Variants in RAB30 observed in about 807,000 individuals in gnomAD.
The protein encoded by RAB30 is ras-related protein Rab-30.
In RAB30, 9 loss-of-function variants were observed where a neutral mutation model predicts 25.1. That is an observed-to-expected ratio of 0.36 (90% CI 0.22 to 0.63). The LOEUF (loss-of-function observed/expected upper bound fraction) is 0.63. Among genes scored for constraint, RAB30 ranks in the 20% least tolerant of loss-of-function variants. The probability of loss-of-function intolerance (pLI) is 0.69; values close to 1 mark genes in which losing one functional copy is unlikely to be tolerated. For synonymous variants in RAB30, 77 were observed against 86.4 expected (o/e 0.89, Z 0.60); for missense variants, 140 against 243.5 (o/e 0.58, Z 2.83).
At chr11:82,992,193 C>T (rs1163159052) in intron 3 of RAB30, 1 of 391,638 alleles carries the variant, frequency 2.6e-6, no homozygotes, top group Non-Finnish European at 5.2e-6. Flanking sequence ...AAGGCTCCTC[C>T]CATCAATGCC....
At position 82,980,824 on chromosome 11, in the gene RAB30, GGGAGGGAA is replaced by G. The variant is rs1856624494; in HGVS notation, c.*1333_*1340del. Reference sequence around the variant, plus strand: ...TGCAGTAACACAGGCATATAAGGATGGGAGGGAAGGAGGGAGGGAGGGAGGGAAGAAGA... The same window carrying G: ...TGCAGTAACACAGGCATATAAGGATGGGAGGGAGGGAGGGAGGGAAGAAGA... On this transcript the variant is annotated 3_prime_UTR_variant, in exon 5 of 5. Transcript: ENST00000527633. 6.6e-6 allele frequency: 1 copy of G among 151,720 alleles called. No homozygotes were observed. Among genetic ancestry groups the G allele is most frequent in the Non-Finnish European group, 1.5e-5 (1 of 67,958 alleles). The allele number at this position is 151,720 out of a possible 1,614,324, so 9.4% of individuals were successfully genotyped here.
At chr11:83,016,810 C>A (rs922897081) in intron 1 of RAB30, among the ~76,000 whole-genome samples, 1 of 152,298 alleles carries the variant, frequency 6.6e-6, no homozygotes, top group East Asian at 1.9e-4. Context: ...CAAACACACA[C>A]CCCCTTCTCA....
chr11:83,035,423 G>C (rs1857966653), intron 1 of RAB30: 2 of 152,272 alleles, frequency 1.3e-5, no homozygotes, highest in South Asian at 4.1e-4. Context: ...ATGCACCATG[G>C]ACTCAGTTGT....
At chr11:83,053,589 A>C (rs754355324) in intron 1 of RAB30, among the ~76,000 whole-genome samples, 5 of 151,404 alleles carry the variant, frequency 3.3e-5, no homozygotes, top group Non-Finnish European at 7.4e-5. Context: ...TGAGTCTCTT[A>C]CTAATCTGCT....
rs148181325 is a variant in RAB30, at chr11:82,988,506, C to A, written c.178-736G>T. On this transcript the variant is annotated intron_variant, in intron 3 of 4. Transcript: ENST00000527633. ...GGTCTCTTAAGTTCTATGACCTTGG[C>A]CAAGTCACTTAATCTCTTTGGGCTT... Among the ~76,000 whole-genome samples, 6 of 152,298 alleles carry A rather than the reference C, an allele frequency of 3.9e-5. No homozygotes were observed. In the South Asian group the frequency reaches 1.2e-3, roughly 32 times the overall value.
At chr11:83,054,706 A>G (rs1209211270) in intron 1 of RAB30, among the ~76,000 whole-genome samples, 1 of 151,706 alleles carries the variant, frequency 6.6e-6, no homozygotes, top group African/African-American at 2.4e-5. Flanking sequence ...ACGAAAAAAA[A>G]AAATACAAAA....
At chr11:83,056,393 T>G (rs558710222) in intron 1 of RAB30, among the ~76,000 whole-genome samples, 1 of 152,350 alleles carries the variant, frequency 6.6e-6, no homozygotes, top group African/African-American at 2.4e-5. Context: ...TTCCACTGTA[T>G]GTAAATACCA....
At chr11:83,012,907 T>A (rs1857334624) in intron 1 of RAB30, among the ~76,000 whole-genome samples, 1 of 152,148 alleles carries the variant, frequency 6.6e-6, no homozygotes, top group African/African-American at 2.4e-5. Flanking sequence ...CTAGACAGGT[T>A]CATCCCTTCA....
chr11:82,992,332 G>T (rs1856867211), intron 3 of RAB30: 1 of 456,148 alleles, frequency 2.2e-6, no homozygotes, highest in East Asian at 7.0e-5. Context: ...TTATCTTCCA[G>T]TGCTCCAGCT....
chr11:82,986,211 TA>T (rs1335487844), intron 4 of RAB30, among the ~76,000 whole-genome samples: 1 of 152,204 alleles, frequency 6.6e-6, no homozygotes, highest in African/African-American at 2.4e-5. Flanking sequence ...TGCTTCAAAA[TA>T]ATCTGAGGGA....
intron 1 of RAB30, among the ~76,000 whole-genome samples, chr11:83,032,229 A>T (rs2121513931): frequency 6.6e-6 from 1 of 152,342 alleles, no homozygotes; most frequent in Admixed American, 6.5e-5. Flanking sequence ...CTATATTATG[A>T]CCCAGAGTTT....
intron 1 of RAB30, among the ~76,000 whole-genome samples, chr11:83,068,924 C>A (rs1858768046): frequency 6.6e-6 from 1 of 152,170 alleles, no homozygotes; most frequent in Non-Finnish European, 1.5e-5. Context: ...TTAAGTATAT[C>A]CCCTATTAGA....
chr11:83,012,892 G>C (rs903528962), intron 1 of RAB30, among the ~76,000 whole-genome samples: 2 of 151,958 alleles, frequency 1.3e-5, no homozygotes, highest in African/African-American at 4.8e-5. Flanking sequence ...CCAGAGCATG[G>C]GCCCCTAGAC....
intron 1 of RAB30, among the ~76,000 whole-genome samples, chr11:83,006,258 T>A (rs1433910969): frequency 6.6e-6 from 1 of 152,222 alleles, no homozygotes; most frequent in Non-Finnish European, 1.5e-5. Context: ...AAGGCACATG[T>A]AGTAGGATAT....
At chr11:83,000,766 T>C (rs1857060705) in intron 1 of RAB30, among the ~76,000 whole-genome samples, 1 of 152,100 alleles carries the variant, frequency 6.6e-6, no homozygotes, top group African/African-American at 2.4e-5. Flanking sequence ...AAAAAAAGGC[T>C]TTGTCGGCCG....
chr11:83,014,233 T>A (rs1857365873), intron 1 of RAB30, among the ~76,000 whole-genome samples: 1 of 152,140 alleles, frequency 6.6e-6, no homozygotes, highest in Non-Finnish European at 1.5e-5. Flanking sequence ...GAAGTGGGTA[T>A]ATTTAAGATG....
chr11:83,051,895 C>G (rs1216367521), intron 1 of RAB30, among the ~76,000 whole-genome samples: 1 of 152,168 alleles, frequency 6.6e-6, no homozygotes, highest in African/African-American at 2.4e-5. Context: ...TCTAAGAATT[C>G]AAATAATTAC....
At chr11:83,002,408 G>A (rs1447272254) in intron 1 of RAB30, among the ~76,000 whole-genome samples, 2 of 152,000 alleles carry the variant, frequency 1.3e-5, no homozygotes, top group Admixed American at 6.5e-5. Flanking sequence ...CCAGGCATAG[G>A]GAATATAAAC....
At chr11:82,988,806 A>G (rs1389100582) in intron 3 of RAB30, among the ~76,000 whole-genome samples, 1 of 152,180 alleles carries the variant, frequency 6.6e-6, no homozygotes, top group Non-Finnish European at 1.5e-5. Flanking sequence ...CGAATTTCAC[A>G]GGTCACAGGT....
Sources: gnomAD v4.1 joint callset for allele counts (sites outside exome capture counted in the v4.1 genomes callset) on GRCh38, gnomAD v4.1.1 for gene constraint, MANE v1.5 for transcripts, NCBI Gene and HGNC (gene_info 2026-07-23, HGNC 2026-07-21) for gene names.